The following LRP3 variants were observed in gnomAD, a reference collection of about 807,000 sequenced individuals.
LRP3 encodes the protein LDL receptor related protein 3.
In LRP3, 49 loss-of-function variants were observed where a neutral mutation model predicts 58.5. That is an observed-to-expected ratio of 0.84 (90% CI 0.67 to 1.06). LRP3 has a LOEUF of 1.06. Ranked by LOEUF, LRP3 falls within the 50% of genes least tolerant of loss-of-function variation. The pLI, the probability that LRP3 is intolerant of heterozygous loss-of-function variation, is 0.00. For synonymous variants in LRP3, 485 were observed against 492.2 expected, an observed-to-expected ratio of 0.99 and a Z score of 0.20; for missense variants, 1,019 against 1,134.2, an observed-to-expected ratio of 0.90 and a Z score of 1.46.
chr19:33,202,898 T>C lies in LRP3; in HGVS notation c.172T>C (p.Tyr58His). The C allele has an allele frequency of 6.2e-7, 1 of 1,611,614 alleles. No homozygotes were observed. The highest frequency in any genetic ancestry group is 8.5e-7 in the Non-Finnish European group (1 of 1,179,094). ...GCACACGGAGCGGCGTGGGGTCATC[T>C]ACAGCCCGGCCTGGCCCCTCAACTA... ...EQHTERRGVIYSPAWPLNYPP... is the reference protein window; with the variant it reads ...EQHTERRGVIHSPAWPLNYPP... The change falls in exon 3 of 7, where the codon TAC (tyrosine) becomes CAC (histidine). Residue 58 changes from tyrosine (Y) to histidine (H), a missense_variant. By Grantham distance (83) the Tyr-to-His change is moderately conservative. This residue lies in a region of LRP3 where 592 missense variants were observed against 725.5 expected (regional missense o/e 0.82). Transcript: ENST00000253193.
rs1974439346 is a variant in LRP3, at chr19:33,207,561, C to T, written c.2299C>T (p.Leu767=). Residue 767 remains leucine, a synonymous_variant, in exon 7 of 7, where the codon CTG becomes TTG. Transcript: ENST00000253193. ...PMLEASDDEA[L]LVC is the part of the protein sequence containing the mutation. ...GCTGGAGGCCAGCGATGATGAGGCC[C>T]TGTTGGTCTGTTGACCGCTGGGCTC... 1.9e-6 allele frequency: 3 copies of T among 1,603,256 alleles called. No individual in the cohort carries two copies. Among genetic ancestry groups the T allele is most frequent in the Admixed American group, 1.7e-5 (1 of 59,944 alleles).
At chr19:33,197,303 AAGTT>A (rs1411112515) in intron 2 of LRP3, among the ~76,000 whole-genome samples, 1 of 152,120 alleles carries the variant, frequency 6.6e-6, no homozygotes, top group African/African-American at 2.4e-5. Flanking sequence ...AGAAAGGTGT[AAGTT>A]AGAAGCTGCA....
At position 33,202,877 on chromosome 19, in the gene LRP3, A is replaced by G. The variant is rs1974355624; in HGVS notation, c.151A>G (p.Thr51Ala). 1 of 1,611,158 alleles carries G rather than the reference A, an allele frequency of 6.2e-7. No homozygotes were observed. The change falls in exon 3 of 7, where the codon ACG becomes GCG. Residue 51 changes from threonine (T) to alanine (A), a missense_variant. Thr to Ala is a moderately conservative substitution (Grantham distance 58). Coordinates refer to ENST00000253193, the MANE Select transcript of LRP3 (RefSeq NM_002333.4). ...AACSGKLEQH[T>A]ERRGVIYSPA... ...CTGCAGTGGGAAGCTGGAGCAGCAC[A>G]CGGAGCGGCGTGGGGTCATCTACAG...
chr19:33,200,192 C>T (rs1013789330), intron 2 of LRP3, among the ~76,000 whole-genome samples: 7 of 152,200 alleles, frequency 4.6e-5, no homozygotes, highest in Non-Finnish European at 1.0e-4. Flanking sequence ...CTGTTCGGCC[C>T]CCTCCAATGG....
At chr19:33,200,128 T>C (rs2145450496) in intron 2 of LRP3, among the ~76,000 whole-genome samples, 1 of 152,362 alleles carries the variant, frequency 6.6e-6, no homozygotes, top group African/African-American at 2.4e-5. Flanking sequence ...AGAGATGCAA[T>C]GTGGGGGACC....
rs1286617151 is a variant in LRP3, at chr19:33,206,003, G to C, written c.1233G>C (p.Gln411His). Reference sequence around the variant, plus strand: ...ATTGTGCCAGCGGCCGAGACGAGCAGGGCTGCCCTGCCTGCCCGCCCGACC... The same window carrying C: ...ATTGTGCCAGCGGCCGAGACGAGCACGGCTGCCCTGCCTGCCCGCCCGACC... ...WWHCASGRDEQGCPACPPDQY... is the reference protein window; with the variant it reads ...WWHCASGRDEHGCPACPPDQY... Residue 411 changes from glutamine to histidine, a missense_variant, in exon 5 of 7, where the codon CAG (glutamine) becomes CAC (histidine). This residue lies in a region of LRP3 where 592 missense variants were observed against 725.5 expected (regional missense o/e 0.82). Transcript: ENST00000253193. 6.3e-7 allele frequency: 1 copy of C among 1,579,814 alleles called. No individual in the cohort carries two copies. Among genetic ancestry groups the C allele is most frequent in the East Asian group, 2.3e-5 (1 of 43,334 alleles).
chr19:33,196,657 T>C (rs1306519284), intron 1 of LRP3, 73 bp from the exon 2 acceptor site: 7 of 1,371,218 alleles, frequency 5.1e-6, no homozygotes, highest in Non-Finnish European at 4.2e-6. Flanking sequence ...TTAGCTGTGG[T>C]GTCCCTCATG....
chr19:33,201,314 C>T (rs918361849), intron 2 of LRP3, among the ~76,000 whole-genome samples: 2 of 152,090 alleles, frequency 1.3e-5, no homozygotes, highest in Non-Finnish European at 1.5e-5. Context: ...CTGAGGAGTC[C>T]GTGAATGGGA....
chr19:33,207,678 G>A lies in LRP3; in HGVS notation c.*103G>A, dbSNP rs1036350797. On this transcript the variant is annotated 3_prime_UTR_variant, in exon 7 of 7. Transcript: ENST00000253193. Reference sequence around the variant, plus strand: ...GTCCTTTCTTATGGAGAGGCCCTCCGGGGACCCCAGCGGAGGGGCTGGCCC... The same window carrying A: ...GTCCTTTCTTATGGAGAGGCCCTCCAGGGACCCCAGCGGAGGGGCTGGCCC... The A allele has an allele frequency of 1.1e-5, 10 of 948,510 alleles. No homozygotes were observed. The highest frequency in any genetic ancestry group is 4.9e-5 in the East Asian group (2 of 40,876). The allele number at this position is 948,510 out of a possible 1,614,324, so 58.8% of individuals were successfully genotyped here.
intron 2 of LRP3, among the ~76,000 whole-genome samples, chr19:33,198,991 G>A (rs947579093): frequency 2.0e-5 from 3 of 152,170 alleles, no homozygotes; most frequent in African/African-American, 7.2e-5. Context: ...ACACTGGCCC[G>A]AAAGTACCTG....
chr19:33,194,388 G>T lies in LRP3; in HGVS notation c.-398G>T. Among the ~76,000 whole-genome samples the T allele has an allele frequency of 6.9e-6, 1 of 145,414 alleles. No individual in the cohort carries two copies. The highest frequency in any genetic ancestry group is 2.1e-4 in the South Asian group (1 of 4,786). On this transcript the variant is annotated 5_prime_UTR_variant, in exon 1 of 7. Coordinates refer to ENST00000253193, the MANE Select transcript of LRP3 (RefSeq NM_002333.4). ...GGCCGGGCGGGCTGGGCGCAGCGCG[G>T]GGCGGCCCGGGGACGCCGGGGCCGG...
In LRP3 at chr19:33,202,988, TA is replaced by T; in HGVS notation, c.260+3del. On this transcript the variant is annotated splice_donor_region_variant and intron_variant, in intron 3 of 6. Transcript: ENST00000253193. ...CCGTGGTGACATGATTACCATCAGG[TA>T]GGGGCACCCGGGGGTGTCGGAAGGA... 6.2e-7 allele frequency: 1 copy of T among 1,612,490 alleles called. No homozygotes were observed. The highest frequency in any genetic ancestry group is 2.2e-5 in the East Asian group (1 of 44,838).
chr19:33,205,511 G>T lies in LRP3; in HGVS notation c.741G>T (p.Ala247=). ...ACTGCGGCGACGGCTCGGATGAGGC[G>T]GGCTGCCCCGACCTGGCGTGCGGCC... ...LQDCGDGSDE[A]GCPDLACGRR... is the part of the protein sequence containing the mutation. Residue 247 remains alanine, a synonymous_variant, in exon 5 of 7, where the codon GCG becomes GCT. Transcript: ENST00000253193. The T allele has an allele frequency of 6.4e-7, 1 of 1,551,814 alleles. No individual in the cohort carries two copies. Among genetic ancestry groups the T allele is most frequent in the Non-Finnish European group, 8.7e-7 (1 of 1,153,362 alleles).
In LRP3 at chr19:33,207,247, C is replaced by T. The variant is rs766183289; in HGVS notation, c.1985C>T (p.Ala662Val). The T allele has an allele frequency of 3.4e-5, 53 of 1,554,180 alleles. No homozygotes were observed. Among genetic ancestry groups the T allele is most frequent in the African/African-American group, 1.6e-4 (12 of 73,982 alleles). ...APLMDTGSTRAAGDRPPSAPG... is the reference protein window; with the variant it reads ...APLMDTGSTRVAGDRPPSAPG... ...CTCATGGACACAGGCAGCACCAGGG[C>T]GGCCGGAGACAGGCCCCCCAGTGCC... The change falls in exon 7 of 7, where the codon GCG becomes GTG. Residue 662 changes from alanine to valine, a missense_variant. Physicochemically the swap from Ala to Val is moderately conservative, Grantham distance 64. Transcript: ENST00000253193.
chr19:33,205,643 CCGG>C lies in LRP3; in HGVS notation c.877_879del (p.Arg293del). ...CGTGGCTGGTGGACACACAGGACTC[CCGG>C]CGGGTGCTGCTGCAGCTGGAACTGC... On this transcript the variant is annotated inframe_deletion, in exon 5 of 7. Transcript: ENST00000253193. The C allele has an allele frequency of 1.2e-6, 2 of 1,610,342 alleles. No homozygotes were observed. The highest frequency in any genetic ancestry group is 1.7e-6 in the Non-Finnish European group (2 of 1,179,424).
intron 3 of LRP3, among the ~76,000 whole-genome samples, chr19:33,203,656 T>A (rs1300792963): frequency 2.6e-5 from 4 of 152,290 alleles, no homozygotes; most frequent in African/African-American, 9.6e-5. Flanking sequence ...GTGGGGGGTC[T>A]CAGTCACTCA....
Position 33,205,424 on chromosome 19 carries a change from A to T in LRP3, c.654A>T (p.Pro218=). 1 of 1,593,192 alleles carries T rather than the reference A, an allele frequency of 6.3e-7. No individual in the cohort carries two copies. The highest frequency in any genetic ancestry group is 8.5e-7 in the Non-Finnish European group (1 of 1,169,714). Residue 218 remains proline, a synonymous_variant, in exon 5 of 7, where the codon CCA becomes CCT. Transcript: ENST00000253193. The part of the protein sequence containing the change: ...PGSLCPGGTF[P]CSGARSTRCL... ...GCCTGTGCCCCGGGGGGACCTTCCC[A>T]TGCAGCGGGGCGCGCTCCACGCGCT...
At chr19:33,196,883 T>G in intron 2 of LRP3, 106 bp downstream of exon 2, 1 of 1,043,134 alleles carries the variant, frequency 9.6e-7, no homozygotes, top group Admixed American at 1.8e-5. Flanking sequence ...AGTTCCTGTG[T>G]GCATCTTTTC....
chr19:33,205,013 C>T lies in LRP3; in HGVS notation c.475+161C>T, dbSNP rs563974103. 508 of 763,776 alleles carry T rather than the reference C, an allele frequency of 6.7e-4. 1 individual carries two copies. In the African/African-American group the frequency reaches 7.6e-3, roughly 11 times the overall value. The allele number at this position is 763,776 out of a possible 1,614,324, so 47.3% of individuals were successfully genotyped here. On this transcript the variant is annotated intron_variant, in intron 4 of 6. Transcript: ENST00000253193. Reference sequence around the variant, plus strand: ...CAGGACAGTGGCAGGACTGGGCATGCGGATGCCTTGGACCTCTCAAGGTCA... The same window carrying T: ...CAGGACAGTGGCAGGACTGGGCATGTGGATGCCTTGGACCTCTCAAGGTCA...
Sources: allele counts gnomAD v4.1 joint callset (sites outside exome capture counted in the v4.1 genomes callset), GRCh38; gene constraint gnomAD v4.1.1; regional missense constraint gnomAD v4.1.1; transcripts MANE v1.5; gene names NCBI Gene and HGNC (gene_info 2026-07-23, HGNC 2026-07-21).